Variants in PAK5 observed in about 807,000 individuals in gnomAD.
PAK5 encodes the protein p21 (RAC1) activated kinase 5, also known as serine/threonine-protein kinase PAK 5.
A neutral mutation model predicts 65.9 loss-of-function variants in PAK5; 16 were observed. That is an observed-to-expected ratio of 0.24 (90% CI 0.16 to 0.37). The LOEUF is 0.37. Ranked by LOEUF, PAK5 falls within the 10% of genes least tolerant of loss-of-function variation. The probability of loss-of-function intolerance (pLI) is 1.00; values close to 1 mark genes in which losing one functional copy is unlikely to be tolerated. For synonymous variants in PAK5, 371 were observed against 354.9 expected, an observed-to-expected ratio of 1.05 and a Z score of -0.51; for missense variants, 785 against 903.9, an observed-to-expected ratio of 0.87 and a Z score of 1.69.
chr20:9,566,871 A>T (rs2045691749), intron 4 of PAK5, among the ~76,000 whole-genome samples: 1 of 152,144 alleles, frequency 6.6e-6, no homozygotes, highest in Non-Finnish European at 1.5e-5. Context: ...CAATGTTCTC[A>T]CCAAATAAGT....
At chr20:9,777,596 G>C (rs951936390) in intron 1 of PAK5, among the ~76,000 whole-genome samples, 3 of 152,174 alleles carry the variant, frequency 2.0e-5, no homozygotes, top group Non-Finnish European at 4.4e-5. Context: ...AGAAGCATAA[G>C]AAGAGACTTA....
At chr20:9,830,926 C>G (rs1342562830) in intron 1 of PAK5, among the ~76,000 whole-genome samples, 1 of 152,126 alleles carries the variant, frequency 6.6e-6, no homozygotes, top group Admixed American at 6.5e-5. Flanking sequence ...TTTCTGTTGT[C>G]TTTTTTTGGT....
intron 7 of PAK5, among the ~76,000 whole-genome samples, chr20:9,552,288 T>G (rs1165778214): frequency 6.6e-6 from 1 of 152,342 alleles, no homozygotes; most frequent in South Asian, 2.1e-4. Flanking sequence ...TTTGTCAAAG[T>G]CAGTCACTCA....
rs1190437024 is a variant in PAK5 at position 9,681,820 on chromosome 20, C to T, written c.-12+29466G>A. Among the ~76,000 whole-genome samples, 9 of 152,222 alleles carry T rather than the reference C, an allele frequency of 5.9e-5. No individual in the cohort carries two copies. In the South Asian group the frequency reaches 1.2e-3, roughly 21 times the overall value. Reference sequence around the variant, plus strand: ...GTATCCCTCCCTCTTGATTTTCTCTCGCTTAAATTTCTCCTTTTACTTCAG... The same window carrying T: ...GTATCCCTCCCTCTTGATTTTCTCTTGCTTAAATTTCTCCTTTTACTTCAG... On this transcript the variant is annotated intron_variant, in intron 2 of 9. Transcript: ENST00000353224.
chr20:9,686,191 T>C (rs1481644387), intron 2 of PAK5, among the ~76,000 whole-genome samples: 1 of 152,164 alleles, frequency 6.6e-6, no homozygotes, highest in Non-Finnish European at 1.5e-5. Context: ...GGGCTATTTA[T>C]TCTTTGTGTG....
intron 3 of PAK5, among the ~76,000 whole-genome samples, chr20:9,627,908 T>C (rs949607033): frequency 2.0e-5 from 3 of 152,212 alleles, no homozygotes; most frequent in Non-Finnish European, 4.4e-5. Context: ...ATTATAGGCA[T>C]GAGCCATTGC....
chr20:9,610,540 A>T (rs547010053), intron 3 of PAK5, among the ~76,000 whole-genome samples: 71 of 152,344 alleles, frequency 4.7e-4, no homozygotes, highest in African/African-American at 1.5e-3. Flanking sequence ...AATAGCAAAC[A>T]AGGGATGTAC....
At chr20:9,752,291 G>C (rs1299908968) in intron 1 of PAK5, among the ~76,000 whole-genome samples, 1 of 152,108 alleles carries the variant, frequency 6.6e-6, no homozygotes, top group Non-Finnish European at 1.5e-5. Context: ...GGCTAGAACT[G>C]GGCAAGGGGC....
At chr20:9,800,364 G>C (rs1417326646) in intron 1 of PAK5, among the ~76,000 whole-genome samples, 1 of 152,068 alleles carries the variant, frequency 6.6e-6, no homozygotes, top group Non-Finnish European at 1.5e-5. Flanking sequence ...ACTTTTGTTT[G>C]TTAAACTTTG....
intron 2 of PAK5, among the ~76,000 whole-genome samples, chr20:9,655,686 C>T (rs2047258431): frequency 6.6e-6 from 1 of 152,086 alleles, no homozygotes; most frequent in African/African-American, 2.4e-5. Context: ...CATAGATTGT[C>T]AGATGTGGAA....
intron 2 of PAK5, among the ~76,000 whole-genome samples, chr20:9,677,684 C>G (rs1442793966): frequency 6.6e-6 from 1 of 152,134 alleles, no homozygotes; most frequent in Non-Finnish European, 1.5e-5. Context: ...TTAACTTTAT[C>G]TTTTTTAACT....
At chr20:9,614,268 G>C (rs1228702911) in intron 3 of PAK5, among the ~76,000 whole-genome samples, 1 of 152,174 alleles carries the variant, frequency 6.6e-6, no homozygotes, top group Non-Finnish European at 1.5e-5. Context: ...TGAGGCTGAG[G>C]ATATCTCAAT....
intron 2 of PAK5, among the ~76,000 whole-genome samples, chr20:9,682,320 G>T (rs1569037602): frequency 6.6e-6 from 1 of 152,098 alleles, no homozygotes; most frequent in Admixed American, 6.6e-5. Context: ...TCATGCCACT[G>T]CACTCCAGCC....
At chr20:9,641,704 T>C (rs1600185537) in intron 3 of PAK5, among the ~76,000 whole-genome samples, 1 of 151,876 alleles carries the variant, frequency 6.6e-6, no homozygotes. Context: ...GGCTCAGGCA[T>C]GGCGGGCTGC....
At chr20:9,816,283 G>A (rs2049355715) in intron 1 of PAK5, among the ~76,000 whole-genome samples, 1 of 152,098 alleles carries the variant, frequency 6.6e-6, no homozygotes, top group South Asian at 2.1e-4. Flanking sequence ...TAACTTCATA[G>A]GGTTATTATG....
At chr20:9,602,723 G>A (rs961704332) in intron 3 of PAK5, among the ~76,000 whole-genome samples, 28 of 152,174 alleles carry the variant, frequency 1.8e-4, no homozygotes, top group Admixed American at 1.8e-3. Context: ...CAGCATCTGA[G>A]CTGAACACAG....
At chr20:9,558,043 T>TATTTATTCATTCATTCATTCATTC (rs55861453) in intron 6 of PAK5, among the ~76,000 whole-genome samples, 5 of 138,870 alleles carry the variant, frequency 3.6e-5, no homozygotes, top group African/African-American at 1.2e-4. Context: ...TTTATTTATT[T>TATTTATTCATTCATTCATTCATTC]ATTCATTCAT....
intron 2 of PAK5, among the ~76,000 whole-genome samples, chr20:9,693,633 A>T (rs1838948127): frequency 6.6e-6 from 1 of 152,186 alleles, no homozygotes; most frequent in South Asian, 2.1e-4. Context: ...TTCTGCAGAT[A>T]TATTATGTGT....
At chr20:9,722,026 C>G (rs1238835084) in intron 1 of PAK5, among the ~76,000 whole-genome samples, 1 of 152,070 alleles carries the variant, frequency 6.6e-6, no homozygotes, top group Non-Finnish European at 1.5e-5. Context: ...ATAATATCCA[C>G]TATTAACATG....
Sources: gnomAD v4.1 joint callset for allele counts (sites outside exome capture counted in the v4.1 genomes callset) on GRCh38, gnomAD v4.1.1 for gene constraint, MANE v1.5 for transcripts, NCBI Gene and HGNC (gene_info 2026-07-23, HGNC 2026-07-21) for gene names.